The following DDAH1 variants were observed in gnomAD, a reference collection of about 807,000 sequenced individuals.
The protein encoded by DDAH1 is dimethylarginine dimethylaminohydrolase 1, also known as N(G),N(G)-dimethylarginine dimethylaminohydrolase 1.
A neutral mutation model predicts 28.8 loss-of-function variants in DDAH1; 19 were observed. That is an observed-to-expected ratio of 0.66 (90% CI 0.46 to 0.97). The LOEUF (loss-of-function observed/expected upper bound fraction) is 0.97, where lower values mean the gene tolerates loss of function less well. DDAH1 is among the 50% of genes least tolerant of loss of function. The pLI is 0.00. For missense variants in DDAH1, 326 were observed against 375.9 expected (o/e 0.87, Z 1.10); for synonymous variants, 153 against 154.4 (o/e 0.99, Z 0.07).
At chr1:85,554,844 C>T (rs1186300714) in intron 1 of DDAH1, among the ~76,000 whole-genome samples, 1 of 152,220 alleles carries the variant, frequency 6.6e-6, no homozygotes, top group Non-Finnish European at 1.5e-5. Flanking sequence ...TGAATCAAGA[C>T]ACCTTTGCCT....
At chr1:85,366,024 T>C (rs1000445175) in intron 1 of DDAH1, among the ~76,000 whole-genome samples, 2 of 151,764 alleles carry the variant, frequency 1.3e-5, no homozygotes, top group Non-Finnish European at 2.9e-5. Flanking sequence ...TAAACATCCA[T>C]GTTGTGAATT....
At chr1:85,410,732 A>C (rs2100595678) in intron 1 of DDAH1, among the ~76,000 whole-genome samples, 1 of 152,294 alleles carries the variant, frequency 6.6e-6, no homozygotes, top group African/African-American at 2.4e-5. Flanking sequence ...ATTTGAATAA[A>C]TTTTTAAAGA....
At chr1:85,571,787 C>CTTTTTT (rs58835610) in intron 1 of DDAH1, among the ~76,000 whole-genome samples, 1,090 of 85,386 alleles carry the variant, frequency 0.013, 6 homozygotes, top group African/African-American at 0.017. Flanking sequence ...TGTTTATAAG[C>CTTTTTT]TTTTTTTTTT....
intron 1 of DDAH1, among the ~76,000 whole-genome samples, chr1:85,364,668 C>T (rs181637024): frequency 1.3e-5 from 2 of 152,248 alleles, no homozygotes; most frequent in African/African-American, 4.8e-5. Flanking sequence ...CCTCAGCCTC[C>T]CGAATAGCTT....
intron 4 of DDAH1, among the ~76,000 whole-genome samples, chr1:85,349,460 A>G (rs1191829146): frequency 8.5e-6 from 1 of 117,236 alleles, no homozygotes; most frequent in African/African-American, 2.6e-5. Flanking sequence ...TATGACTAAG[A>G]GGAACTTCTG....
rs924634475 is a variant in DDAH1, at chr1:85,577,148, G to A, written c.-123+836C>T. ...CCGGCAGGGGGCGGCGGTAGCAGCC[G>A]GGCAGGCGCGTCCGGATGCCTCGCG... On this transcript the variant is annotated intron_variant, in intron 1 of 6. Coordinates refer to the DDAH1 transcript ENST00000426972. Among the ~76,000 whole-genome samples the A allele has an allele frequency of 2.6e-5, 4 of 152,184 alleles. No individual in the cohort carries two copies. In the East Asian group the frequency reaches 5.8e-4, roughly 22 times the overall value.
intron 2 of DDAH1, among the ~76,000 whole-genome samples, chr1:85,487,635 C>T (rs535364745): frequency 2.6e-5 from 4 of 152,196 alleles, no homozygotes; most frequent in African/African-American, 9.6e-5. Flanking sequence ...ACTGGTAGCA[C>T]ATTCACATAG....
At chr1:85,481,873 C>G (rs1279335468) in intron 2 of DDAH1, among the ~76,000 whole-genome samples, 2 of 152,250 alleles carry the variant, frequency 1.3e-5, no homozygotes, top group African/African-American at 4.8e-5. Flanking sequence ...AGCACTGTCA[C>G]TGGTCAGTCA....
chr1:85,526,916 G>A (rs1219108296), intron 1 of DDAH1, among the ~76,000 whole-genome samples: 3 of 151,350 alleles, frequency 2.0e-5, no homozygotes, highest in Non-Finnish European at 4.4e-5. Flanking sequence ...AATCGGAAAT[G>A]TTAATAGGAA....
At chr1:85,525,094 T>C (rs1317321400) in intron 1 of DDAH1, among the ~76,000 whole-genome samples, 1 of 150,680 alleles carries the variant, frequency 6.6e-6, no homozygotes. Flanking sequence ...TGAAAACAAA[T>C]GCAAAATCGG....
chr1:85,338,605 G>A (rs1160310477), intron 4 of DDAH1, among the ~76,000 whole-genome samples: 1 of 152,170 alleles, frequency 6.6e-6, no homozygotes, highest in Non-Finnish European at 1.5e-5. Flanking sequence ...ACCTGCATCA[G>A]AATCACGCCA....
chr1:85,481,085 C>G, intron 2 of DDAH1, among the ~76,000 whole-genome samples: 1 of 126,360 alleles, frequency 7.9e-6, no homozygotes, highest in South Asian at 2.4e-4. Context: ...AAAATCATTT[C>G]TTTGGGTTTT....
intron 1 of DDAH1, among the ~76,000 whole-genome samples, chr1:85,405,380 T>A (rs1652356371): frequency 6.6e-6 from 1 of 152,218 alleles, no homozygotes; most frequent in African/African-American, 2.4e-5. Context: ...AAACACTGTA[T>A]GTAGTTCTAT....
intron 1 of DDAH1, among the ~76,000 whole-genome samples, chr1:85,549,726 GAGA>G (rs151284281): frequency 0.02 from 3,034 of 152,330 alleles, 107 homozygotes; most frequent in African/African-American, 0.07. Flanking sequence ...TGAGCTTTAA[GAGA>G]AGAAGATATT....
At chr1:85,457,685 A>G (rs1654950141) in intron 1 of DDAH1, among the ~76,000 whole-genome samples, 1 of 152,230 alleles carries the variant, frequency 6.6e-6, no homozygotes, top group African/African-American at 2.4e-5. Flanking sequence ...AATAATGACG[A>G]CAGAATCAAG....
intron 1 of DDAH1, among the ~76,000 whole-genome samples, chr1:85,431,669 G>A (rs1219183325): frequency 1.3e-5 from 2 of 151,732 alleles, no homozygotes; most frequent in East Asian, 3.9e-4. Context: ...CTTCCCTTGT[G>A]CAGTAATGCA....
At chr1:85,510,134 G>C (rs1317363773) in intron 1 of DDAH1, among the ~76,000 whole-genome samples, 3 of 152,202 alleles carry the variant, frequency 2.0e-5, no homozygotes, top group Non-Finnish European at 4.4e-5. Context: ...AAGCCCATCA[G>C]ACTAACAGCA....
rs1047356535 is a variant in DDAH1 at position 85,318,961 on chromosome 1, T to C, written c.*2491A>G. On this transcript the variant is annotated 3_prime_UTR_variant, in exon 6 of 6. Coordinates refer to ENST00000284031, the MANE Select transcript of DDAH1 (RefSeq NM_012137.4). ...CATCCTTTAACTAAATTGAATCACA[T>C]CACCCAAGTAATTCTGACTTAACTT... is the stretch of plus-strand genomic sequence containing the variant. The C allele has an allele frequency of 6.6e-6, 1 of 152,222 alleles. No individual in the cohort carries two copies. The highest frequency in any genetic ancestry group is 1.5e-5 in the Non-Finnish European group (1 of 68,026). 9.4% of individuals were successfully genotyped at this position (152,222 alleles called of 1,614,324 possible).
At chr1:85,551,985 A>T (rs1658806066) in intron 1 of DDAH1, among the ~76,000 whole-genome samples, 1 of 152,198 alleles carries the variant, frequency 6.6e-6, no homozygotes, top group East Asian at 1.9e-4. Flanking sequence ...AAGGTTTCCA[A>T]GGAGGCTGAG....
Sources: allele counts gnomAD v4.1 joint callset (sites outside exome capture counted in the v4.1 genomes callset), GRCh38; gene constraint gnomAD v4.1.1; transcripts MANE v1.5; gene names NCBI Gene and HGNC (gene_info 2026-07-23, HGNC 2026-07-21).